The following ATP6V0A2 variants were observed in gnomAD, a reference collection of about 807,000 sequenced individuals.
ATP6V0A2 encodes V-type proton ATPase 116 kDa subunit a 2.
Under a neutral mutation model 104.4 loss-of-function variants are expected in ATP6V0A2, and 58 were observed. That is an observed-to-expected ratio of 0.56 (90% CI 0.45 to 0.69). ATP6V0A2 has a LOEUF of 0.69. ATP6V0A2 is among the 30% of genes least tolerant of loss of function. The pLI, the probability that ATP6V0A2 is intolerant of heterozygous loss-of-function variation, is 0.00. For synonymous variants in ATP6V0A2, 376 were observed against 397.9 expected (o/e 0.95, Z 0.65); for missense variants, 938 against 1,062.9 (o/e 0.88, Z 1.63).
intron 1 of ATP6V0A2, among the ~76,000 whole-genome samples, chr12:123,716,208 A>C (rs1049138167): frequency 6.6e-6 from 1 of 151,922 alleles, no homozygotes; most frequent in Non-Finnish European, 1.5e-5. Context: ...CTGAGATCAC[A>C]GGCGCGCGCC....
chr12:123,735,573 G>A lies in ATP6V0A2; in HGVS notation c.774G>A (p.Glu258=). 6.2e-7 allele frequency: 1 copy of A among 1,614,134 alleles called. No homozygotes were observed. Reference sequence around the variant, plus strand: ...ACCCCTATCCAAACACAGCCGAGGAGCGGAGGGAGATCCAGGAGGGGCTGA... The same window carrying A: ...ACCCCTATCCAAACACAGCCGAGGAACGGAGGGAGATCCAGGAGGGGCTGA... ...HVYPYPNTAE[E]RREIQEGLNT... is the part of the protein sequence containing the mutation. The change falls in exon 8 of 20, where the codon GAG becomes GAA. Residue 258 remains glutamate, a synonymous_variant. Coordinates refer to ENST00000330342, the MANE Select transcript of ATP6V0A2 (RefSeq NM_012463.4).
At chr12:123,752,474 A>T (rs1956725728) in intron 17 of ATP6V0A2, 72 bp downstream of exon 17, 1 of 1,568,548 alleles carries the variant, frequency 6.4e-7, no homozygotes, top group South Asian at 1.1e-5. Flanking sequence ...TCATGTTAAG[A>T]TAATATTTAA....
At chr12:123,731,290 T>C (rs1218030163) in intron 6 of ATP6V0A2, 1 of 152,240 alleles carries the variant, frequency 6.6e-6, no homozygotes, top group African/African-American at 2.4e-5. Flanking sequence ...ACTCAGGTTC[T>C]AGGATTTGTT....
intron 18 of ATP6V0A2, among the ~76,000 whole-genome samples, chr12:123,755,924 A>G (rs2135922543): frequency 6.6e-6 from 1 of 151,926 alleles, no homozygotes; most frequent in South Asian, 2.1e-4. Flanking sequence ...TACTAAAAAT[A>G]CAAAAAATTA....
intron 1 of ATP6V0A2, among the ~76,000 whole-genome samples, chr12:123,717,028 A>G (rs954026166): frequency 6.6e-6 from 1 of 152,078 alleles, no homozygotes; most frequent in Non-Finnish European, 1.5e-5. Flanking sequence ...TATGAAAGTC[A>G]TCCAGGGTGG....
intron 18 of ATP6V0A2, chr12:123,754,911 A>G: frequency 3.6e-6 from 1 of 278,284 alleles, no homozygotes; most frequent in Non-Finnish European, 7.0e-6. Context: ...CTGCTGCCTT[A>G]CCAAGTGTGA....
chr12:123,712,624 G>A lies in ATP6V0A2; in HGVS notation c.59G>A (p.Gly20Asp). Residue 20 changes from glycine to aspartate, a missense_variant, in exon 1 of 20, where the codon GGC becomes GAC. Coordinates refer to ENST00000330342, the MANE Select transcript of ATP6V0A2 (RefSeq NM_012463.4). ...MCLAQLFLQSGTAYECLSALG... is the reference protein window; with the variant it reads ...MCLAQLFLQSDTAYECLSALG... ...CTGGCGCAGCTCTTCCTGCAGTCGGGCACGGCCTACGAGTGCCTCAGCGCC... is the reference window on the plus strand; with the variant it reads ...CTGGCGCAGCTCTTCCTGCAGTCGGACACGGCCTACGAGTGCCTCAGCGCC... 1.2e-6 allele frequency: 2 copies of A among 1,606,634 alleles called. No homozygotes were observed. The highest frequency in any genetic ancestry group is 8.5e-7 in the Non-Finnish European group (1 of 1,177,508).
Position 123,744,588 on chromosome 12 carries a change from C to G in ATP6V0A2, c.1327-9C>G, listed in dbSNP as rs1956641543. On this transcript the variant is annotated splice_polypyrimidine_tract_variant and intron_variant, in intron 11 of 19. Transcript: ENST00000330342. This position sits in a 1 kb window ranked among gnomAD's most constrained non-coding sequence, Gnocchi z 5.4. ...TAACCATATTCTGCCCCCGCCTTGC[C>G]CTTCACAGATCATGAGGATGTTTTT... 6.2e-7 allele frequency: 1 copy of G among 1,612,500 alleles called. No homozygotes were observed. Among genetic ancestry groups the G allele is most frequent in the Non-Finnish European group, 8.5e-7 (1 of 1,180,022 alleles).
chr12:123,754,183 G>T, intron 17 of ATP6V0A2: 2 of 604,052 alleles, frequency 3.3e-6, no homozygotes, highest in East Asian at 5.5e-5. Context: ...CGTGCGGTGG[G>T]AGTGGGGCTG....
chr12:123,722,211 C>T (rs972556479), intron 2 of ATP6V0A2, 140 bp from the exon 3 acceptor site: 5 of 704,066 alleles, frequency 7.1e-6, no homozygotes, highest in African/African-American at 1.8e-5. Flanking sequence ...ACCAGTAAGT[C>T]AGTTGGGACA....
intron 1 of ATP6V0A2, among the ~76,000 whole-genome samples, chr12:123,717,761 G>A (rs769945710): frequency 4.6e-5 from 7 of 151,896 alleles, no homozygotes; most frequent in South Asian, 2.1e-4. Context: ...CTTTAACTAC[G>A]CTACTGTAAT....
chr12:123,738,550 C>T (rs1179638433), intron 9 of ATP6V0A2, among the ~76,000 whole-genome samples: 3 of 152,112 alleles, frequency 2.0e-5, no homozygotes, highest in African/African-American at 7.2e-5. Context: ...CCAGTTTGTC[C>T]CTCGTCTTTT....
At chr12:123,736,990 G>A in intron 8 of ATP6V0A2, 69 bp from the exon 9 acceptor site, 1 of 1,466,576 alleles carries the variant, frequency 6.8e-7, no homozygotes, top group Non-Finnish European at 9.6e-7. Flanking sequence ...TCTAAGGGAA[G>A]TCGGGTGCCA....
Position 123,733,912 on chromosome 12 carries a change from T to C in ATP6V0A2, c.649-14T>C, listed in dbSNP as rs1406866247. ...CACGCAGAAATAACACTTATCCTTA[T>C]TCATTCTTTGTAGGGGGAAGTCATA... On this transcript the variant is annotated splice_polypyrimidine_tract_variant and intron_variant, in intron 6 of 19. Coordinates refer to ENST00000330342, the MANE Select transcript of ATP6V0A2 (RefSeq NM_012463.4). 3 of 1,593,732 alleles carry C rather than the reference T, an allele frequency of 1.9e-6. No homozygotes were observed.
chr12:123,743,608 A>T (rs940511788), intron 9 of ATP6V0A2, among the ~76,000 whole-genome samples, 177 bp from the exon 10 acceptor site: 1 of 151,702 alleles, frequency 6.6e-6, no homozygotes, highest in South Asian at 2.1e-4. Flanking sequence ...AGCCGAGATC[A>T]CACCATTGCA....
At chr12:123,733,555 C>T (rs7398641) in intron 6 of ATP6V0A2, 180 of 300,304 alleles carry the variant, frequency 6.0e-4, no homozygotes, top group South Asian at 1.7e-3. Flanking sequence ...CTGTTTATAC[C>T]GTGAAATCAC....
intron 13 of ATP6V0A2, 29 bp from the exon 14 acceptor site, chr12:123,747,578 C>G (rs763897978): frequency 1.4e-6 from 2 of 1,432,420 alleles, no homozygotes; most frequent in East Asian, 2.3e-5. Flanking sequence ...GTTAAAGATT[C>G]TGTTTTGTCT....
intron 15 of ATP6V0A2, chr12:123,750,834 G>A (rs1449475633): frequency 4.5e-6 from 2 of 446,396 alleles, no homozygotes; most frequent in Non-Finnish European, 8.3e-6. Flanking sequence ...ATGATTAGTT[G>A]GAGTTTGACT....
chr12:123,751,446 G>T (rs1001329209), intron 16 of ATP6V0A2, among the ~76,000 whole-genome samples: 9 of 152,144 alleles, frequency 5.9e-5, no homozygotes, highest in Non-Finnish European at 1.3e-4. Flanking sequence ...CTTGAGCCCA[G>T]GAGTTTGAGA....
Sources: gnomAD v4.1 joint callset for allele counts (sites outside exome capture counted in the v4.1 genomes callset) on GRCh38, gnomAD v4.1.1 for gene constraint, Gnocchi (gnomAD v3.1) non-coding constraint, MANE v1.5 for transcripts, NCBI Gene and HGNC (gene_info 2026-07-23, HGNC 2026-07-21) for gene names.